FBXL7: variants seen among roughly 807,000 people sequenced by gnomAD.
FBXL7 encodes F-box and leucine rich repeat protein 7, also known as F-box/LRR-repeat protein 7.
Under a neutral mutation model 38.3 loss-of-function variants are expected in FBXL7, and 12 were observed. The observed-to-expected ratio is 0.31, with a 90% CI of 0.20 to 0.51. The LOEUF (loss-of-function observed/expected upper bound fraction) is 0.51, where lower values mean the gene tolerates loss of function less well. Ranked by LOEUF, FBXL7 falls within the 20% of genes least tolerant of loss-of-function variation. FBXL7 has a pLI of 0.98. For missense variants in FBXL7, 567 were observed against 676.4 expected (o/e 0.84, Z 1.79); for synonymous variants, 297 against 300.9 (o/e 0.99, Z 0.13).
chr5:15,677,439 C>G (rs1742697819), intron 2 of FBXL7, among the ~76,000 whole-genome samples: 2 of 149,738 alleles, frequency 1.3e-5, no homozygotes, highest in Non-Finnish European at 3.0e-5. Context: ...TGCACTCCAG[C>G]CTGGGCATCG....
chr5:15,900,344 C>T (rs1014138278), intron 2 of FBXL7, among the ~76,000 whole-genome samples: 1 of 152,106 alleles, frequency 6.6e-6, no homozygotes, highest in Non-Finnish European at 1.5e-5. Context: ...TTCCACCACC[C>T]TAGTAACATC....
At chr5:15,783,050 G>A (rs1394045890) in intron 2 of FBXL7, among the ~76,000 whole-genome samples, 1 of 152,112 alleles carries the variant, frequency 6.6e-6, no homozygotes, top group Non-Finnish European at 1.5e-5. Context: ...GTAGGAAGTT[G>A]GAGCTATGAA....
intron 2 of FBXL7, among the ~76,000 whole-genome samples, chr5:15,672,315 T>A (rs565838063): frequency 1.3e-5 from 2 of 152,232 alleles, no homozygotes; most frequent in South Asian, 4.1e-4. Context: ...TTGAAAGAGG[T>A]ATTATGTTAA....
intron 1 of FBXL7, among the ~76,000 whole-genome samples, chr5:15,604,375 G>A (rs1739924743): frequency 6.6e-6 from 1 of 152,130 alleles, no homozygotes; most frequent in Admixed American, 6.5e-5. Flanking sequence ...TTTTATTTGA[G>A]ACAGAGTCCT....
intron 2 of FBXL7, among the ~76,000 whole-genome samples, chr5:15,828,612 C>G (rs1052073585): frequency 1.3e-5 from 2 of 152,184 alleles, no homozygotes; most frequent in Non-Finnish European, 2.9e-5. Flanking sequence ...ACTGTAGGCT[C>G]AGGTAACAAG....
intron 2 of FBXL7, among the ~76,000 whole-genome samples, chr5:15,813,105 A>G (rs531932512): frequency 6.6e-6 from 1 of 152,270 alleles, no homozygotes; most frequent in South Asian, 2.1e-4. Flanking sequence ...ATCTCTTACT[A>G]TTTCAATACC....
At chr5:15,932,250 C>T (rs1405879785) in intron 3 of FBXL7, among the ~76,000 whole-genome samples, 2 of 152,160 alleles carry the variant, frequency 1.3e-5, no homozygotes, top group Admixed American at 1.3e-4. Context: ...AGTTCTCAAA[C>T]ACATGCTCTG....
At chr5:15,831,752 A>G (rs1053533812) in intron 2 of FBXL7, among the ~76,000 whole-genome samples, 4 of 152,102 alleles carry the variant, frequency 2.6e-5, no homozygotes, top group African/African-American at 9.7e-5. Flanking sequence ...CTGGAGGGAT[A>G]GTGGAGGGGA....
In FBXL7 at chr5:15,928,168, C is replaced by A; in HGVS notation, c.406C>A (p.Arg136Ser). 6.2e-7 allele frequency: 1 copy of A among 1,610,004 alleles called. No homozygotes were observed. The highest frequency in any genetic ancestry group is 1.3e-5 in the African/African-American group (1 of 74,932). ...CTTCCTGCCCACCAACCAGCTGTGC[C>A]GCTGCGCGCGAGTGTGCCGCCGCTG... ...FSFLPTNQLC[R>S]CARVCRRWYN... Residue 136 changes from arginine to serine, a missense_variant, in exon 3 of 4, where the codon CGC (arginine) becomes AGC (serine). Arg to Ser is a moderately radical substitution (Grantham distance 110). Coordinates refer to ENST00000504595, the MANE Select transcript of FBXL7 (RefSeq NM_012304.5). The surrounding 1 kb of genome is among the most constrained non-coding windows in gnomAD (Gnocchi z 4.0).
intron 2 of FBXL7, among the ~76,000 whole-genome samples, chr5:15,888,678 G>A (rs933838312): frequency 6.6e-6 from 1 of 152,102 alleles, no homozygotes; most frequent in Admixed American, 6.6e-5. Flanking sequence ...TGAGGTCTAA[G>A]ACCAATAACC....
chr5:15,541,439 G>GTATATATA (rs1465662990), intron 1 of FBXL7, among the ~76,000 whole-genome samples: 1 of 58,296 alleles, frequency 1.7e-5, no homozygotes, highest in African/African-American at 6.8e-5. Context: ...ATATGTGTGT[G>GTATATATA]TGTGTATATA....
intron 2 of FBXL7, among the ~76,000 whole-genome samples, chr5:15,724,873 CT>C (rs1297986083): frequency 1.3e-5 from 2 of 152,118 alleles, no homozygotes; most frequent in Non-Finnish European, 2.9e-5. Flanking sequence ...CTATTTTCAG[CT>C]TTTGGGTCAT....
At chr5:15,533,863 C>A (rs1416728193) in intron 1 of FBXL7, among the ~76,000 whole-genome samples, 2 of 152,134 alleles carry the variant, frequency 1.3e-5, no homozygotes, top group Non-Finnish European at 2.9e-5. Flanking sequence ...CTTTCTTGTA[C>A]ACTACAGATA....
At chr5:15,757,784 G>A (rs1481073183) in intron 2 of FBXL7, among the ~76,000 whole-genome samples, 1 of 152,112 alleles carries the variant, frequency 6.6e-6, no homozygotes, top group Admixed American at 6.6e-5. Context: ...GTGCACTTAA[G>A]GTACTCCAGA....
chr5:15,799,908 A>G (rs577902332), intron 2 of FBXL7, among the ~76,000 whole-genome samples: 2 of 150,188 alleles, frequency 1.3e-5, no homozygotes, highest in South Asian at 4.3e-4. Flanking sequence ...GCAGTTGAAA[A>G]TGTGTACTGT....
chr5:15,877,367 GA>G (rs1740253324), intron 2 of FBXL7, among the ~76,000 whole-genome samples: 1 of 152,184 alleles, frequency 6.6e-6, no homozygotes, highest in South Asian at 2.1e-4. Context: ...AATATTCAAA[GA>G]AAAGTTAGAC....
chr5:15,580,436 G>A (rs1739100969), intron 1 of FBXL7, among the ~76,000 whole-genome samples: 1 of 152,154 alleles, frequency 6.6e-6, no homozygotes. Flanking sequence ...TGGGGGCATG[G>A]CAAGGTCTAG....
chr5:15,879,030 C>T (rs1017537375), intron 2 of FBXL7, among the ~76,000 whole-genome samples: 2 of 152,096 alleles, frequency 1.3e-5, no homozygotes, highest in African/African-American at 4.8e-5. Context: ...GGAATGGGAC[C>T]AGACTTGGAT....
At chr5:15,685,711 T>G (rs1742996408) in intron 2 of FBXL7, among the ~76,000 whole-genome samples, 1 of 152,178 alleles carries the variant, frequency 6.6e-6, no homozygotes, top group Non-Finnish European at 1.5e-5. Context: ...TTACTGTGCT[T>G]TAGTTGTCAT....
Sources: allele counts gnomAD v4.1 joint callset (sites outside exome capture counted in the v4.1 genomes callset), GRCh38; gene constraint gnomAD v4.1.1; non-coding constraint Gnocchi (gnomAD v3.1); transcripts MANE v1.5; gene names NCBI Gene and HGNC (gene_info 2026-07-23, HGNC 2026-07-21).